The following LMBR1 variants were observed in gnomAD, a reference collection of about 807,000 sequenced individuals.
LMBR1 encodes limb development membrane protein 1.
LMBR1 carries 52 observed loss-of-function variants against 73.9 expected under a neutral mutation model. The observed-to-expected ratio is 0.70, with a 90% CI of 0.56 to 0.89. LMBR1 has a LOEUF of 0.89. LMBR1 is among the 40% of genes least tolerant of loss of function. The pLI is 0.00. For synonymous variants in LMBR1, 215 were observed against 209.4 expected (o/e 1.03, Z -0.23); for missense variants, 539 against 579.8 (o/e 0.93, Z 0.72).
intron 4 of LMBR1, among the ~76,000 whole-genome samples, chr7:156,811,236 A>C (rs1833040423): frequency 8.0e-6 from 1 of 125,530 alleles, no homozygotes. Context: ...TCATCTCTAG[A>C]ATTTTGTTTT....
intron 1 of LMBR1, among the ~76,000 whole-genome samples, chr7:156,891,227 T>TAC (rs1435983553): frequency 9.9e-5 from 8 of 80,856 alleles, no homozygotes; most frequent in Admixed American, 3.3e-4. Flanking sequence ...TATATATATA[T>TAC]ATATATACAC....
chr7:156,821,765 G>A (rs563751470), intron 4 of LMBR1, among the ~76,000 whole-genome samples: 3 of 146,700 alleles, frequency 2.0e-5, no homozygotes, highest in Non-Finnish European at 4.6e-5. Flanking sequence ...GTGGATACTA[G>A]TCAGCCTCCT....
intron 1 of LMBR1, among the ~76,000 whole-genome samples, chr7:156,866,999 C>T (rs1365885387): frequency 1.3e-5 from 2 of 152,050 alleles, no homozygotes; most frequent in African/African-American, 2.4e-5. Flanking sequence ...TTGTTTGGGT[C>T]GGATGTAAGT....
intron 5 of LMBR1, among the ~76,000 whole-genome samples, chr7:156,774,536 A>C (rs1825776107): frequency 2.0e-5 from 3 of 152,238 alleles, no homozygotes; most frequent in African/African-American, 7.2e-5. Context: ...GCAGCAATAA[A>C]AACAAATGAG....
At chr7:156,810,088 T>C (rs1486426118) in intron 4 of LMBR1, among the ~76,000 whole-genome samples, 1 of 151,056 alleles carries the variant, frequency 6.6e-6, no homozygotes, top group Admixed American at 6.6e-5. Context: ...AAGAGAGAGA[T>C]TTATTTGGCT....
intron 5 of LMBR1, among the ~76,000 whole-genome samples, chr7:156,779,893 A>T (rs951662519): frequency 1.3e-5 from 2 of 152,222 alleles, no homozygotes; most frequent in African/African-American, 4.8e-5. Flanking sequence ...TTTGCTCAGC[A>T]TGGCATCAAG....
intron 1 of LMBR1, among the ~76,000 whole-genome samples, chr7:156,868,831 T>C (rs1798853943): frequency 6.6e-6 from 1 of 152,046 alleles, no homozygotes; most frequent in Non-Finnish European, 1.5e-5. Flanking sequence ...CCAGGCATGG[T>C]AGTGCAAGCC....
At chr7:156,707,544 G>A (rs562088368) in intron 15 of LMBR1, among the ~76,000 whole-genome samples, 3 of 152,242 alleles carry the variant, frequency 2.0e-5, no homozygotes, top group African/African-American at 7.2e-5. Flanking sequence ...TTTTATACCA[G>A]GAGTGTAAGG....
chr7:156,797,021 T>TTAC (rs1454448229), intron 4 of LMBR1, among the ~76,000 whole-genome samples: 1 of 152,194 alleles, frequency 6.6e-6, no homozygotes. Flanking sequence ...GCAGGTAGCA[T>TTAC]TACTGCCCCA....
intron 15 of LMBR1, among the ~76,000 whole-genome samples, chr7:156,696,868 A>G (rs1808392312): frequency 6.6e-6 from 1 of 152,214 alleles, no homozygotes; most frequent in African/African-American, 2.4e-5. Flanking sequence ...AACTCATTTC[A>G]GCATTAACTC....
At chr7:156,810,294 C>G (rs1041721988) in intron 4 of LMBR1, among the ~76,000 whole-genome samples, 2 of 152,108 alleles carry the variant, frequency 1.3e-5, no homozygotes, top group Non-Finnish European at 2.9e-5. Flanking sequence ...AAAGAACTCA[C>G]TCACCCACCT....
chr7:156,792,051 T>C (rs1405289327), intron 5 of LMBR1, among the ~76,000 whole-genome samples: 2 of 152,218 alleles, frequency 1.3e-5, no homozygotes, highest in Non-Finnish European at 2.9e-5. Flanking sequence ...ATAAAACAAA[T>C]ATATGCCTAA....
At chr7:156,858,286 A>T (rs568243526) in intron 1 of LMBR1, among the ~76,000 whole-genome samples, 61 of 152,260 alleles carry the variant, frequency 4.0e-4, no homozygotes, top group Middle Eastern at 3.4e-3. Flanking sequence ...ACCAAAAAAA[A>T]ATTACAGGAA....
intron 1 of LMBR1, among the ~76,000 whole-genome samples, chr7:156,891,208 AAAAATAT>A (rs1433365017): frequency 1.3e-3 from 114 of 88,166 alleles, no homozygotes; most frequent in African/African-American, 5.2e-3. Flanking sequence ...AAAAAAAAAA[AAAAATAT>A]ATATATATAT....
downstream of LMBR1, among the ~76,000 whole-genome samples, chr7:156,674,805 T>C (rs903453256): frequency 1.2e-4 from 18 of 152,350 alleles, no homozygotes; most frequent in Non-Finnish European, 1.9e-4. Flanking sequence ...AAAAACTTAA[T>C]GTGACTGCCA....
At chr7:156,863,899 C>T (rs1798076137) in intron 1 of LMBR1, among the ~76,000 whole-genome samples, 1 of 152,046 alleles carries the variant, frequency 6.6e-6, no homozygotes, top group Admixed American at 6.5e-5. Flanking sequence ...CCTGTAATCC[C>T]AGCACTTTGG....
intron 1 of LMBR1, among the ~76,000 whole-genome samples, chr7:156,888,669 G>A (rs1802365838): frequency 6.6e-6 from 1 of 152,180 alleles, no homozygotes; most frequent in Non-Finnish European, 1.5e-5. Flanking sequence ...TGTAATCCCA[G>A]CACTTTGGGA....
At chr7:156,767,344 T>G (rs1423693918) in intron 5 of LMBR1, among the ~76,000 whole-genome samples, 2 of 152,032 alleles carry the variant, frequency 1.3e-5, no homozygotes, top group Non-Finnish European at 2.9e-5. Context: ...TAAAGAGAAA[T>G]ATAAATAACG....
intron 5 of LMBR1, among the ~76,000 whole-genome samples, 193 bp downstream of exon 5, chr7:156,796,196 C>T (rs943648514): frequency 2.0e-5 from 3 of 152,126 alleles, no homozygotes; most frequent in Non-Finnish European, 2.9e-5. Flanking sequence ...TAAAAGATGT[C>T]TCTCTCTCAT....
Sources: allele counts gnomAD v4.1 joint callset (sites outside exome capture counted in the v4.1 genomes callset), GRCh38; gene constraint gnomAD v4.1.1; transcripts MANE v1.5; gene names NCBI Gene and HGNC (gene_info 2026-07-23, HGNC 2026-07-21).